Variants in RPRD1B observed in about 807,000 individuals in gnomAD.
The protein encoded by RPRD1B is regulation of nuclear pre-mRNA domain containing 1B.
In RPRD1B, 11 loss-of-function variants were observed where a neutral mutation model predicts 41.5. That is an observed-to-expected ratio of 0.27 (90% confidence interval 0.17 to 0.44). The LOEUF (loss-of-function observed/expected upper bound fraction) is 0.44, where lower values mean the gene tolerates loss of function less well. RPRD1B is among the 20% of genes least tolerant of loss of function. The probability of loss-of-function intolerance (pLI) is 1.00; values close to 1 mark genes in which losing one functional copy is unlikely to be tolerated. For missense variants in RPRD1B, 248 were observed against 389.9 expected, an observed-to-expected ratio of 0.64 and a Z score of 3.06; for synonymous variants, 158 against 155.6, an observed-to-expected ratio of 1.02 and a Z score of -0.12.
At position 38,033,931 on chromosome 20, in the gene RPRD1B, G is replaced by A. The variant is rs1485200107; in HGVS notation, c.-17G>A. 1.9e-6 allele frequency: 3 copies of A among 1,600,332 alleles called. No individual in the cohort carries two copies. In the East Asian group the frequency reaches 6.7e-5, roughly 36 times the overall value. Reference sequence around the variant, plus strand: ...GGCGGCCCAGGCCGCTCCCTGCCGGGCCTCACTGCCGCCACCATGTCCTCC... The same window carrying A: ...GGCGGCCCAGGCCGCTCCCTGCCGGACCTCACTGCCGCCACCATGTCCTCC... On this transcript the variant is annotated 5_prime_UTR_variant, in exon 1 of 7. Transcript: ENST00000373433.
At chr20:38,047,087 G>A (rs1183299688) in intron 2 of RPRD1B, among the ~76,000 whole-genome samples, 1 of 152,060 alleles carries the variant, frequency 6.6e-6, no homozygotes, top group Non-Finnish European at 1.5e-5. Context: ...ACTCATTTCC[G>A]GATATATTTT....
intron 5 of RPRD1B, among the ~76,000 whole-genome samples, chr20:38,061,874 C>T (rs2074301144): frequency 6.6e-6 from 1 of 152,144 alleles, no homozygotes; most frequent in Non-Finnish European, 1.5e-5. Context: ...CCCCACCCCG[C>T]AAACACCCAT....
chr20:38,075,903 T>C (rs6127010), intron 6 of RPRD1B, among the ~76,000 whole-genome samples: 1 of 152,350 alleles, frequency 6.6e-6, no homozygotes, highest in East Asian at 1.9e-4. Flanking sequence ...TGAGGTCCTT[T>C]ATCTTTAAAC....
intron 1 of RPRD1B, among the ~76,000 whole-genome samples, chr20:38,035,870 T>C (rs2073998165): frequency 6.6e-6 from 1 of 151,910 alleles, no homozygotes. Context: ...GTTCATGCCA[T>C]TCTCCTGCCT....
intron 1 of RPRD1B, among the ~76,000 whole-genome samples, chr20:38,035,770 T>G (rs2073996780): frequency 1.2e-5 from 1 of 83,298 alleles, no homozygotes; most frequent in African/African-American, 1.1e-4. Context: ...TTTTTTTTGT[T>G]TTTTTTTTTT....
intron 6 of RPRD1B, among the ~76,000 whole-genome samples, chr20:38,066,662 C>A (rs1165823173): frequency 6.8e-6 from 1 of 147,848 alleles, no homozygotes; most frequent in African/African-American, 2.5e-5. Flanking sequence ...AGGTTTATTT[C>A]TTTTTTTTTT....
intron 6 of RPRD1B, among the ~76,000 whole-genome samples, chr20:38,081,714 GA>G (rs1337285432): frequency 1.3e-5 from 2 of 152,142 alleles, no homozygotes; most frequent in East Asian, 3.8e-4. Flanking sequence ...TTATTATTTT[GA>G]GGTATGTTCC....
intron 2 of RPRD1B, among the ~76,000 whole-genome samples, chr20:38,044,003 T>C (rs934222567): frequency 6.6e-6 from 1 of 152,196 alleles, no homozygotes; most frequent in African/African-American, 2.4e-5. Flanking sequence ...TATTTACTTA[T>C]TGTTGTGGGC....
chr20:38,053,421 A>G (rs2074208763), intron 3 of RPRD1B, among the ~76,000 whole-genome samples: 1 of 152,144 alleles, frequency 6.6e-6, no homozygotes, highest in Non-Finnish European at 1.5e-5. Flanking sequence ...AGCGGTTTCA[A>G]ACTCCGACCT....
chr20:38,066,314 T>C (rs1478626906), intron 6 of RPRD1B, 58 bp downstream of exon 6: 3 of 1,501,994 alleles, frequency 2.0e-6, no homozygotes, highest in African/African-American at 1.4e-5. Context: ...TAGCCCACAT[T>C]AGGAGGTTTT....
rs143295875 is a variant in RPRD1B, at chr20:38,033,946, C to T, written c.-2C>T. ...TCCCTGCCGGGCCTCACTGCCGCCA[C>T]CATGTCCTCCTTCTCTGAGTCGGCG... is the stretch of plus-strand genomic sequence containing the variant. On this transcript the variant is annotated 5_prime_UTR_variant, in exon 1 of 7. Coordinates refer to ENST00000373433, the MANE Select transcript of RPRD1B (RefSeq NM_021215.4). 2.7e-5 allele frequency: 43 copies of T among 1,608,530 alleles called. No homozygotes were observed. The African/African-American group carries it at 5.2e-4, about 19-fold the overall frequency.
intron 6 of RPRD1B, among the ~76,000 whole-genome samples, chr20:38,071,379 A>G (rs1436495753): frequency 6.6e-6 from 1 of 152,196 alleles, no homozygotes; most frequent in Non-Finnish European, 1.5e-5. Context: ...TCAGTACTTC[A>G]TCTCTTTTAT....
intron 6 of RPRD1B, among the ~76,000 whole-genome samples, chr20:38,088,090 C>G (rs549666416): frequency 2.0e-5 from 3 of 152,318 alleles, no homozygotes; most frequent in African/African-American, 7.2e-5. Context: ...ACTCTCTACC[C>G]TTTTCTCTTC....
chr20:38,089,083 C>T (rs1189236150), intron 6 of RPRD1B, among the ~76,000 whole-genome samples: 1 of 152,166 alleles, frequency 6.6e-6, no homozygotes, highest in Non-Finnish European at 1.5e-5. Flanking sequence ...GGTGCCGTGC[C>T]TCACTTTCTC....
intron 3 of RPRD1B, among the ~76,000 whole-genome samples, chr20:38,048,810 G>A (rs775680058): frequency 5.9e-5 from 9 of 152,178 alleles, no homozygotes; most frequent in Non-Finnish European, 1.2e-4. Flanking sequence ...CCTGGACTAA[G>A]ATTTTGTCCT....
chr20:38,057,738 A>G (rs891185954), intron 4 of RPRD1B, 94 bp downstream of exon 4: 6 of 876,680 alleles, frequency 6.8e-6, no homozygotes, highest in African/African-American at 6.7e-5. Context: ...GACCACTGGT[A>G]TGGAATCATC....
At chr20:38,066,058 T>A (rs2074351132) in intron 5 of RPRD1B, 23 bp from the exon 6 acceptor site, 1 of 1,608,784 alleles carries the variant, frequency 6.2e-7, no homozygotes, top group Admixed American at 1.7e-5. Context: ...TTTTCTCTAT[T>A]TTTTGGTCTC....
rs549238108 is a variant in RPRD1B, at chr20:38,039,699, C to T, written c.152-736C>T. 7.8e-4 allele frequency among the ~76,000 whole-genome samples: 118 copies of T among 150,482 alleles called. 1 individual carries two copies. Among genetic ancestry groups the T allele is most frequent in the African/African-American group, 2.6e-3 (108 of 40,842 alleles). Reference sequence around the variant, plus strand: ...GATGACAGGCATGAGCCACCACGCTCGGCGAAACCATTTTAAAATTGAAAC... The same window carrying T: ...GATGACAGGCATGAGCCACCACGCTTGGCGAAACCATTTTAAAATTGAAAC... On this transcript the variant is annotated intron_variant, in intron 1 of 6. Coordinates refer to ENST00000373433, the MANE Select transcript of RPRD1B (RefSeq NM_021215.4).
At chr20:38,046,245 C>T (rs1018780359) in intron 2 of RPRD1B, among the ~76,000 whole-genome samples, 12 of 152,074 alleles carry the variant, frequency 7.9e-5, no homozygotes, top group Non-Finnish European at 1.6e-4. Flanking sequence ...GAGGTCAGGA[C>T]CCAGGCCTTC....
Sources: allele counts gnomAD v4.1 joint callset (sites outside exome capture counted in the v4.1 genomes callset), GRCh38; gene constraint gnomAD v4.1.1; transcripts MANE v1.5; gene names NCBI Gene and HGNC (gene_info 2026-07-23, HGNC 2026-07-21).